The following RNF170 variants were observed in gnomAD, a reference collection of about 807,000 sequenced individuals.
The protein encoded by RNF170 is ring finger protein 170.
RNF170 carries 12 observed loss-of-function variants against 32.7 expected under a neutral mutation model. The observed-to-expected ratio is 0.37, with a 90% CI of 0.24 to 0.60. RNF170 has a LOEUF of 0.60. Ranked by LOEUF, RNF170 falls within the 20% of genes least tolerant of loss-of-function variation. The pLI, the probability that RNF170 is intolerant of heterozygous loss-of-function variation, is 0.72. For synonymous variants in RNF170, 91 were observed against 103.6 expected, an observed-to-expected ratio of 0.88 and a Z score of 0.74; for missense variants, 212 against 311.2, an observed-to-expected ratio of 0.68 and a Z score of 2.40.
At chr8:42,892,987 A>G (rs1192940541) in intron 1 of RNF170, among the ~76,000 whole-genome samples, 1 of 152,172 alleles carries the variant, frequency 6.6e-6, no homozygotes, top group African/African-American at 2.4e-5. Context: ...ACCTTGTCTC[A>G]AAAAACTGCC....
At chr8:42,877,584 A>C (rs1805050446) in intron 2 of RNF170, among the ~76,000 whole-genome samples, 1 of 152,234 alleles carries the variant, frequency 6.6e-6, no homozygotes, top group African/African-American at 2.4e-5. Context: ...TCTTTCAACA[A>C]ATAAGTGCCA....
intron 2 of RNF170, among the ~76,000 whole-genome samples, chr8:42,877,311 C>T (rs759580205): frequency 9.2e-5 from 14 of 152,012 alleles, no homozygotes; most frequent in Non-Finnish European, 1.3e-4. Flanking sequence ...TTCCACCTCC[C>T]GGGTTCAAGC....
At chr8:42,896,401 C>A (rs1184294980) in intron 1 of RNF170, 83 bp downstream of exon 1, 1 of 449,892 alleles carries the variant, frequency 2.2e-6, no homozygotes. Flanking sequence ...GCGGCCAGAG[C>A]TACCCCAAGA....
rs541064900 is a variant in RNF170, at chr8:42,893,034, A to C, written c.-8+3450T>G. 9.2e-5 allele frequency among the ~76,000 whole-genome samples: 14 copies of C among 152,306 alleles called. No individual in the cohort carries two copies. In the South Asian group the frequency reaches 2.9e-3, roughly 32 times the overall value. On this transcript the variant is annotated intron_variant, in intron 1 of 6. Coordinates refer to ENST00000527424, the MANE Select transcript of RNF170 (RefSeq NM_030954.4). ...ATTACACATTGTACATATTTGTATA[A>C]AAATACCACAGGTACCCCATAAATA... is the stretch of plus-strand genomic sequence containing the variant.
intron 1 of RNF170, chr8:42,889,527 C>T (rs1007610085): frequency 2.0e-5 from 3 of 152,126 alleles, no homozygotes; most frequent in African/African-American, 7.2e-5. Context: ...AATATCATCA[C>T]TAATCAGGTA....
chr8:42,864,086 T>G (rs1803906940), intron 5 of RNF170, among the ~76,000 whole-genome samples: 1 of 149,410 alleles, frequency 6.7e-6, no homozygotes. Flanking sequence ...CACCCATGGG[T>G]AAGTGGAGGA....
intron 5 of RNF170, 26 bp downstream of exon 5, chr8:42,865,390 G>C (rs1436432640): frequency 6.5e-7 from 1 of 1,548,094 alleles, no homozygotes; most frequent in East Asian, 2.2e-5. Flanking sequence ...TAGCATAAAT[G>C]ATACTTTCTG....
In RNF170 at chr8:42,887,782, A is replaced by C. The variant is rs376904192; in HGVS notation, c.83T>G (p.Val28Gly). Residue 28 changes from valine to glycine, a missense_variant, in exon 2 of 7, where the codon GTG becomes GGG. Transcript: ENST00000527424. ...VIEGVSDQVLVAVVVSFALIA... is the reference protein window; with the variant it reads ...VIEGVSDQVLGAVVVSFALIA... ...CAAAGCGAAACTGACCACAACTGCC[A>C]CAAGTACTTGGTCGCTTACTCCTTC... is the stretch of plus-strand genomic sequence containing the variant. 17 of 1,613,696 alleles carry C rather than the reference A, an allele frequency of 1.1e-5. No individual in the cohort carries two copies. The Admixed American group carries it at 2.0e-4, about 19-fold the overall frequency.
At position 42,854,616 on chromosome 8, in the gene RNF170, G is replaced by A. The variant is rs2128921674; in HGVS notation, c.*1543C>T. Reference sequence around the variant, plus strand: ...TATTTCATTCAGAATCTCATTAATTGGTAGCTGATCTGATTAGCTAGAGAG... The same window carrying A: ...TATTTCATTCAGAATCTCATTAATTAGTAGCTGATCTGATTAGCTAGAGAG... On this transcript the variant is annotated 3_prime_UTR_variant, in exon 7 of 7. Transcript: ENST00000527424. The A allele has an allele frequency of 3.1e-6, 4 of 1,286,982 alleles. No homozygotes were observed. The highest frequency in any genetic ancestry group is 4.0e-6 in the Non-Finnish European group (4 of 988,512). 79.7% of individuals were successfully genotyped at this position (1,286,982 alleles called of 1,614,324 possible). A position where few individuals can be genotyped will look rare whatever the true frequency, so the allele number is the denominator to read the frequency against.
At chr8:42,897,201 C>T, upstream of RNF170, 1 of 1,241,054 alleles carries the variant, frequency 8.1e-7, no homozygotes, top group Admixed American at 4.2e-5. Context: ...ACGTGGGGGC[C>T]GCGGGCCGGC....
At position 42,854,174 on chromosome 8, in the gene RNF170, T is replaced by A; in HGVS notation, c.*1985A>T. On this transcript the variant is annotated 3_prime_UTR_variant, in exon 7 of 7. Coordinates refer to ENST00000527424, the MANE Select transcript of RNF170 (RefSeq NM_030954.4). ...AAGTGTAGAATTCGGATTCATGTCA[T>A]CTCCACAGACCTTTCCTCTTAGGAG... 7.8e-7 allele frequency: 1 copy of A among 1,287,156 alleles called. No homozygotes were observed. The highest frequency in any genetic ancestry group is 1.5e-5 in the African/African-American group (1 of 65,882). 79.7% of individuals were successfully genotyped at this position (1,287,156 alleles called of 1,614,324 possible). A position where few individuals can be genotyped will look rare whatever the true frequency, so the allele number is the denominator to read the frequency against.
downstream of RNF170, among the ~76,000 whole-genome samples, chr8:42,852,400 ATAATT>A (rs983106728): frequency 4.7e-4 from 72 of 152,110 alleles, no homozygotes; most frequent in Non-Finnish European, 1.5e-4. Context: ...TGAATTACAT[ATAATT>A]TATTTATTCA....
rs562119973 is a variant in RNF170, at chr8:42,887,911, C to T, written c.-7-40G>A. On this transcript the variant is annotated intron_variant, in intron 1 of 6. Coordinates refer to ENST00000527424, the MANE Select transcript of RNF170 (RefSeq NM_030954.4). ...AACAAGATGAGAGTTACAAATGACA[C>T]AGTGAAAATGAAATATACTAATAAA... The T allele has an allele frequency of 6.4e-6, 10 of 1,574,668 alleles. No homozygotes were observed. The Admixed American group carries it at 1.3e-4, about 21-fold the overall frequency.
At chr8:42,861,382 C>A (rs1803646544) in intron 6 of RNF170, 1 of 167,324 alleles carries the variant, frequency 6.0e-6, no homozygotes. Context: ...TCACTGCCAC[C>A]CAGGTGGGAG....
intron 5 of RNF170, among the ~76,000 whole-genome samples, chr8:42,865,000 T>C (rs550994507): frequency 6.6e-6 from 1 of 151,230 alleles, no homozygotes; most frequent in Admixed American, 6.6e-5. Flanking sequence ...CTCATGCCTG[T>C]AATCCCAGCA....
At chr8:42,896,754 G>GGCGGCGGCGGCGGCGGCGGCGGC (rs1244517645), upstream of RNF170, 3 of 144,262 alleles carry the variant, frequency 2.1e-5, no homozygotes, top group East Asian at 2.2e-4. Flanking sequence ...CGGCAGCGGC[G>GGCGGCGGCGGCGGCGGCGGCGGC]GCGGCGGCGG....
chr8:42,850,690 C>T, downstream of RNF170: 1 of 1,372,632 alleles, frequency 7.3e-7, no homozygotes, highest in Non-Finnish European at 1.0e-6. Context: ...TGTCTGAATG[C>T]CTCAGAGTGC....
At chr8:42,856,481 C>A in intron 6 of RNF170, 53 bp from the exon 7 acceptor site, 2 of 1,264,928 alleles carry the variant, frequency 1.6e-6, no homozygotes, top group Non-Finnish European at 2.3e-6. Flanking sequence ...TGTCAGATTT[C>A]AAAATAATAT....
chr8:42,851,911 G>A (rs114223173), downstream of RNF170, among the ~76,000 whole-genome samples: 685 of 152,334 alleles, frequency 4.5e-3, 4 homozygotes, highest in African/African-American at 0.014. Context: ...GGGATGATAG[G>A]TGTGAGCCAC....
Sources: allele counts gnomAD v4.1 joint callset (sites outside exome capture counted in the v4.1 genomes callset), GRCh38; gene constraint gnomAD v4.1.1; transcripts MANE v1.5; gene names NCBI Gene and HGNC (gene_info 2026-07-23, HGNC 2026-07-21).